The following HSF5 variants were observed in gnomAD, a reference collection of about 807,000 sequenced individuals.
HSF5 encodes the protein heat shock factor protein 5.
In HSF5, 5 loss-of-function variants were observed where a neutral mutation model predicts 50.8. The observed-to-expected ratio is 0.10, with a 90% confidence interval of 0.05 to 0.21. HSF5 has a LOEUF of 0.21. Among genes scored for constraint, HSF5 ranks in the 10% least tolerant of loss-of-function variants. The probability of loss-of-function intolerance (pLI) is 1.00; values close to 1 mark genes in which losing one functional copy is unlikely to be tolerated. For missense variants in HSF5, 564 were observed against 762.6 expected (o/e 0.74, Z 3.07); for synonymous variants, 307 against 307.4 (o/e 1.00, Z 0.02).
intron 1 of HSF5, among the ~76,000 whole-genome samples, chr17:58,485,673 G>A (rs1598205390): frequency 6.6e-6 from 1 of 151,680 alleles, no homozygotes; most frequent in Non-Finnish European, 1.5e-5. Flanking sequence ...CTTGAGCCCG[G>A]GAGGTGGAGG....
chr17:58,453,121 C>T (rs1235275124), intron 5 of HSF5, among the ~76,000 whole-genome samples: 1 of 152,152 alleles, frequency 6.6e-6, no homozygotes, highest in Non-Finnish European at 1.5e-5. Flanking sequence ...ATTTAAGGCA[C>T]TAATACCAGT....
chr17:58,488,303 C>T lies in HSF5; in HGVS notation c.-29G>A, dbSNP rs750225432. Reference sequence around the variant, plus strand: ...CCCGCCGGGCCGGGGCCTCGCCCCCCGAGCCTAGCTCTCCCACACCGTTCT... The same window carrying T: ...CCCGCCGGGCCGGGGCCTCGCCCCCTGAGCCTAGCTCTCCCACACCGTTCT... On this transcript the variant is annotated 5_prime_UTR_variant, in exon 1 of 6. Coordinates refer to ENST00000323777, the MANE Select transcript of HSF5 (RefSeq NM_001080439.3). This position sits in a 1 kb window ranked among gnomAD's most constrained non-coding sequence, Gnocchi z 4.1. 6 of 1,446,734 alleles carry T rather than the reference C, an allele frequency of 4.1e-6. No homozygotes were observed. The highest frequency in any genetic ancestry group is 2.7e-5 in the East Asian group (1 of 37,536). The allele number at this position is 1,446,734 out of a possible 1,614,324, so 89.6% of individuals were successfully genotyped here. A position where few individuals can be genotyped will look rare whatever the true frequency, so the allele number is the denominator to read the frequency against.
At chr17:58,427,959 C>T (rs757733470) in intron 5 of HSF5, among the ~76,000 whole-genome samples, 8 of 152,176 alleles carry the variant, frequency 5.3e-5, no homozygotes, top group African/African-American at 1.4e-4. Context: ...TATTGTAGCA[C>T]GACAGCAGTC....
In HSF5 at chr17:58,462,813, A is replaced by G. The variant is rs977850810; in HGVS notation, c.1511T>C (p.Val504Ala). The G allele has an allele frequency of 6.2e-7, 1 of 1,611,748 alleles. No homozygotes were observed. The highest frequency in any genetic ancestry group is 8.5e-7 in the Non-Finnish European group (1 of 1,178,754). ...TGTGCTGAATGGTGGCCCTTCCTGCACAAATACTACTGAAGATGGAGATGG... is the reference window on the plus strand; with the variant it reads ...TGTGCTGAATGGTGGCCCTTCCTGCGCAAATACTACTGAAGATGGAGATGG... Reference protein sequence around the residue: ...HNPSPSSVVFVQEGPPFSTHQ... With the variant: ...HNPSPSSVVFAQEGPPFSTHQ... Residue 504 changes from valine to alanine, a missense_variant, in exon 4 of 6, where the codon GTG becomes GCG. Val to Ala is a moderately conservative substitution (Grantham distance 64). Transcript: ENST00000323777.
At chr17:58,427,004 C>T (rs1308466037) in intron 5 of HSF5, among the ~76,000 whole-genome samples, 1 of 152,140 alleles carries the variant, frequency 6.6e-6, no homozygotes, top group Non-Finnish European at 1.5e-5. Context: ...AGAGTCCTAG[C>T]ACTTTGGGAG....
At chr17:58,451,340 C>A (rs1974638400) in intron 5 of HSF5, among the ~76,000 whole-genome samples, 1 of 152,262 alleles carries the variant, frequency 6.6e-6, no homozygotes, top group East Asian at 1.9e-4. Flanking sequence ...CCTAATGGAC[C>A]TAACAAACAT....
intron 5 of HSF5, among the ~76,000 whole-genome samples, chr17:58,451,934 C>G (rs987753047): frequency 7.8e-6 from 1 of 127,904 alleles, no homozygotes; most frequent in African/African-American, 3.0e-5. Context: ...CTAAACAAGC[C>G]TTTAGTTAGA....
intron 5 of HSF5, among the ~76,000 whole-genome samples, chr17:58,446,051 C>T (rs958052417): frequency 2.0e-5 from 3 of 150,940 alleles, no homozygotes; most frequent in South Asian, 2.1e-4. Context: ...GCAGAAGAAT[C>T]GCTTGAACCC....
At chr17:58,467,244 C>T (rs999861172) in intron 2 of HSF5, among the ~76,000 whole-genome samples, 2 of 151,994 alleles carry the variant, frequency 1.3e-5, no homozygotes, top group Non-Finnish European at 2.9e-5. Flanking sequence ...ATTTTGTTAC[C>T]TTTCTAACCA....
intron 2 of HSF5, among the ~76,000 whole-genome samples, chr17:58,477,521 G>A (rs1378016920): frequency 7.4e-5 from 11 of 149,212 alleles, no homozygotes; most frequent in African/African-American, 2.5e-4. Context: ...GTGCAGTGGC[G>A]CGATCTCGGC....
intron 5 of HSF5, among the ~76,000 whole-genome samples, chr17:58,429,294 G>T (rs933791559): frequency 3.3e-5 from 5 of 152,146 alleles, no homozygotes; most frequent in African/African-American, 1.2e-4. Context: ...TTTCTTTTGG[G>T]GTGCTGAAAA....
In HSF5 at chr17:58,440,806, T is replaced by C. The variant is rs532573346; in HGVS notation, c.1720+17962A>G. Among the ~76,000 whole-genome samples the C allele has an allele frequency of 5.9e-5, 9 of 152,104 alleles. No individual in the cohort carries two copies. In the South Asian group the frequency reaches 1.9e-3, roughly 32 times the overall value. Reference sequence around the variant, plus strand: ...AAAGAACAAACAGAAATCCTAGAATTGAAAAATAATCAAATTAATAACTCA... The same window carrying C: ...AAAGAACAAACAGAAATCCTAGAATCGAAAAATAATCAAATTAATAACTCA... On this transcript the variant is annotated intron_variant, in intron 5 of 5. Transcript: ENST00000323777.
At chr17:58,424,416 T>G (rs1974265664) in intron 5 of HSF5, among the ~76,000 whole-genome samples, 1 of 151,862 alleles carries the variant, frequency 6.6e-6, no homozygotes, top group African/African-American at 2.4e-5. Flanking sequence ...ATCAAGACCA[T>G]CCTGGCTAAT....
At chr17:58,427,691 T>A (rs1974313242) in intron 5 of HSF5, among the ~76,000 whole-genome samples, 1 of 152,330 alleles carries the variant, frequency 6.6e-6, no homozygotes, top group Non-Finnish European at 1.5e-5. Flanking sequence ...TCTACCAAGA[T>A]AAAAAACATT....
intron 2 of HSF5, among the ~76,000 whole-genome samples, chr17:58,472,463 G>A (rs1974961881): frequency 6.6e-6 from 1 of 152,234 alleles, no homozygotes; most frequent in Admixed American, 6.5e-5. Context: ...GAGAAAGTGA[G>A]ACCTTGTCTC....
chr17:58,451,251 A>G (rs1974637360), intron 5 of HSF5, among the ~76,000 whole-genome samples: 1 of 152,222 alleles, frequency 6.6e-6, no homozygotes, highest in South Asian at 2.1e-4. Context: ...TAGAGGACTT[A>G]AACACCCAGC....
In HSF5 at chr17:58,488,367, T is replaced by G. The variant is rs1975227018; in HGVS notation, c.-93A>C. 2 of 1,334,934 alleles carry G rather than the reference T, an allele frequency of 1.5e-6. No individual in the cohort carries two copies. Among genetic ancestry groups the G allele is most frequent in the Non-Finnish European group, 1.9e-6 (2 of 1,050,044 alleles). The allele number at this position is 1,334,934 out of a possible 1,614,324, so 82.7% of individuals were successfully genotyped here. A position where few individuals can be genotyped will look rare whatever the true frequency, so the allele number is the denominator to read the frequency against. On this transcript the variant is annotated 5_prime_UTR_variant, in exon 1 of 6. Transcript: ENST00000323777. The surrounding 1 kb of genome is among the most constrained non-coding windows in gnomAD (Gnocchi z 4.1). ...GCCTTCGCCTCGCCCTGCCCGCTCC[T>G]GCCGGCGCCCATCCGCCGCGTACCA...
chr17:58,457,864 C>T (rs963571555), intron 5 of HSF5, among the ~76,000 whole-genome samples: 1 of 152,166 alleles, frequency 6.6e-6, no homozygotes, highest in Non-Finnish European at 1.5e-5. Context: ...TAAAAGTGTG[C>T]AAGCTAAATT....
chr17:58,468,625 A>T (rs554097237), intron 2 of HSF5, among the ~76,000 whole-genome samples: 13 of 152,250 alleles, frequency 8.5e-5, no homozygotes, highest in South Asian at 4.1e-4. Flanking sequence ...AAGAATTTTT[A>T]AAAAATAGCC....
Sources: allele counts gnomAD v4.1 joint callset (sites outside exome capture counted in the v4.1 genomes callset), GRCh38; gene constraint gnomAD v4.1.1; non-coding constraint Gnocchi (gnomAD v3.1); transcripts MANE v1.5; gene names NCBI Gene and HGNC (gene_info 2026-07-23, HGNC 2026-07-21).